DDHD1: variants seen among roughly 807,000 people sequenced by gnomAD.
DDHD1 encodes DDHD domain containing 1, also known as phospholipase DDHD1.
In DDHD1, 49 loss-of-function variants were observed where a neutral mutation model predicts 96.4. That is an observed-to-expected ratio of 0.51 (90% confidence interval 0.40 to 0.64). The LOEUF (loss-of-function observed/expected upper bound fraction) is 0.64, where lower values mean the gene tolerates loss of function less well. Among genes scored for constraint, DDHD1 ranks in the 30% least tolerant of loss-of-function variants. The probability of loss-of-function intolerance (pLI) is 0.00; values close to 1 mark genes in which losing one functional copy is unlikely to be tolerated. For missense variants in DDHD1, 1,106 were observed against 1,161.2 expected (o/e 0.95, Z 0.69); for synonymous variants, 442 against 446.5 (o/e 0.99, Z 0.13).
chr14:53,084,724 G>A (rs1398429079), intron 4 of DDHD1, among the ~76,000 whole-genome samples: 1 of 152,188 alleles, frequency 6.6e-6, no homozygotes, highest in Non-Finnish European at 1.5e-5. Context: ...GAAGACAGGT[G>A]ATTTCTGCAT....
chr14:53,152,118 C>A, intron 1 of DDHD1, 143 bp downstream of exon 1: 27 of 827,292 alleles, frequency 3.3e-5, no homozygotes, highest in East Asian at 1.5e-4. Context: ...CCGACGCTCC[C>A]TGCTCAATCT....
At chr14:53,121,861 C>T (rs949788318) in intron 1 of DDHD1, among the ~76,000 whole-genome samples, 1 of 150,984 alleles carries the variant, frequency 6.6e-6, no homozygotes, top group Admixed American at 6.6e-5. Flanking sequence ...CAACAAACCA[C>T]CATGGCACAT....
chr14:53,082,981 T>A (rs1885616539), intron 4 of DDHD1, among the ~76,000 whole-genome samples: 1 of 151,906 alleles, frequency 6.6e-6, no homozygotes, highest in African/African-American at 2.4e-5. Context: ...CTAAAGAAAA[T>A]CTAGAAGACT....
chr14:53,052,272 T>C (rs1276010314), intron 11 of DDHD1, among the ~76,000 whole-genome samples: 1 of 151,998 alleles, frequency 6.6e-6, no homozygotes, highest in Non-Finnish European at 1.5e-5. Flanking sequence ...AATAGCTAGG[T>C]AAGATGCTTC....
At chr14:53,115,595 T>C (rs561322412) in intron 1 of DDHD1, among the ~76,000 whole-genome samples, 18 of 152,266 alleles carry the variant, frequency 1.2e-4, no homozygotes, top group South Asian at 4.2e-4. Context: ...GGAAAAGAAT[T>C]TGCAACCCGG....
chr14:53,057,316 AG>A (rs928444337), intron 9 of DDHD1, among the ~76,000 whole-genome samples: 11 of 152,200 alleles, frequency 7.2e-5, no homozygotes, highest in African/African-American at 2.7e-4. Flanking sequence ...CTTGTCCCAA[AG>A]AAGTATTAAG....
intron 1 of DDHD1, among the ~76,000 whole-genome samples, chr14:53,133,514 A>G: frequency 6.6e-6 from 1 of 152,164 alleles, no homozygotes. Flanking sequence ...CTCAATCCTC[A>G]GGAAAGGTAG....
chr14:53,104,070 C>T (rs1398485512), intron 1 of DDHD1, among the ~76,000 whole-genome samples: 1 of 152,152 alleles, frequency 6.6e-6, no homozygotes, highest in African/African-American at 2.4e-5. Context: ...GTGACCACAG[C>T]TCACTGCAGC....
At position 53,055,703 on chromosome 14, in the gene DDHD1, G is replaced by A. The variant is rs1489586207; in HGVS notation, c.2202C>T (p.His734=). 1 of 1,613,950 alleles carries A rather than the reference G, an allele frequency of 6.2e-7. No homozygotes were observed. Among genetic ancestry groups the A allele is most frequent in the Admixed American group, 1.7e-5 (1 of 60,006 alleles). Residue 734 remains histidine (H), a synonymous_variant, in exon 10 of 13, where the codon CAC becomes CAT. Transcript: ENST00000673822. ...PVTSPVLSRR[H]YGESITNIGK... ...CTATATTTGTTATAGATTCTCCATA[G>A]TGTCGGCGGGACAAAACTGGTGAGG...
chr14:53,075,818 T>C (rs754105476), intron 4 of DDHD1, among the ~76,000 whole-genome samples: 4 of 152,166 alleles, frequency 2.6e-5, no homozygotes, highest in Non-Finnish European at 5.9e-5. Flanking sequence ...TTAAGAATTA[T>C]GCTAAATCTA....
Position 53,152,705 on chromosome 14 carries a change from C to T in DDHD1, c.394G>A (p.Gly132Ser). 2.5e-6 allele frequency: 4 copies of T among 1,610,674 alleles called. No homozygotes were observed. The highest frequency in any genetic ancestry group is 3.4e-6 in the Non-Finnish European group (4 of 1,178,848). ...QPPLVPTNSG[G>S]GGATGGSPGE... ...GGGGACCCTCCTGTCGCGCCGCCGCCCCCCGAGTTCGTCGGGACCAGCGGA... is the reference window on the plus strand; with the variant it reads ...GGGGACCCTCCTGTCGCGCCGCCGCTCCCCGAGTTCGTCGGGACCAGCGGA... The change falls in exon 1 of 13, where the codon GGC becomes AGC. Residue 132 changes from glycine to serine, a missense_variant. Transcript: ENST00000673822.
In DDHD1 at chr14:53,153,203, C is replaced by G; in HGVS notation, c.-105G>C. The stretch of plus-strand genomic sequence containing the variant: ...GCCCTCTCCACCCGAAGTTTCTAAT[C>G]TTTCAAATCCCGACCCGAGCTGCGG... On this transcript the variant is annotated 5_prime_UTR_variant, in exon 1 of 13. Transcript: ENST00000673822. 9.4e-7 allele frequency: 1 copy of G among 1,063,490 alleles called. No individual in the cohort carries two copies. The highest frequency in any genetic ancestry group is 1.7e-5 in the African/African-American group (1 of 59,550). The allele number at this position is 1,063,490 out of a possible 1,614,324, so 65.9% of individuals were successfully genotyped here.
intron 4 of DDHD1, among the ~76,000 whole-genome samples, chr14:53,088,684 G>A (rs1474782188): frequency 1.3e-5 from 2 of 152,104 alleles, no homozygotes; most frequent in Non-Finnish European, 2.9e-5. Flanking sequence ...AATAATAAGA[G>A]CTATTTATGA....
At chr14:53,126,946 A>G (rs1889487096) in intron 1 of DDHD1, among the ~76,000 whole-genome samples, 1 of 152,248 alleles carries the variant, frequency 6.6e-6, no homozygotes, top group South Asian at 2.1e-4. Flanking sequence ...CAATCACGTG[A>G]GAATTTAAGC....
At chr14:53,135,287 C>T (rs956677946) in intron 1 of DDHD1, among the ~76,000 whole-genome samples, 1 of 152,200 alleles carries the variant, frequency 6.6e-6, no homozygotes, top group Non-Finnish European at 1.5e-5. Context: ...ACAATACACC[C>T]TCCCCACCCT....
intron 8 of DDHD1, among the ~76,000 whole-genome samples, chr14:53,059,582 T>C (rs897876028): frequency 2.1e-4 from 31 of 148,806 alleles, no homozygotes; most frequent in Non-Finnish European, 3.3e-4. Flanking sequence ...AATAGTCTGA[T>C]AGGCTGGGTG....
chr14:53,094,975 T>G (rs1157127314), intron 2 of DDHD1, among the ~76,000 whole-genome samples: 1 of 152,210 alleles, frequency 6.6e-6, no homozygotes, highest in African/African-American at 2.4e-5. Context: ...CCAGGGAATG[T>G]GTCTTGACCA....
At chr14:53,097,273 A>C (rs1323687374) in intron 2 of DDHD1, among the ~76,000 whole-genome samples, 2 of 152,062 alleles carry the variant, frequency 1.3e-5, no homozygotes, top group African/African-American at 4.8e-5. Flanking sequence ...TTGAATATGC[A>C]GATGTAGTAT....
At chr14:53,094,108 C>T (rs1234018320) in intron 2 of DDHD1, among the ~76,000 whole-genome samples, 3 of 151,178 alleles carry the variant, frequency 2.0e-5, no homozygotes, top group Non-Finnish European at 2.9e-5. Context: ...ACCTGGGAGG[C>T]GGAGCTTGCA....
Sources: gnomAD v4.1 joint callset for allele counts (sites outside exome capture counted in the v4.1 genomes callset) on GRCh38, gnomAD v4.1.1 for gene constraint, MANE v1.5 for transcripts, NCBI Gene and HGNC (gene_info 2026-07-23, HGNC 2026-07-21) for gene names.